Variants in ASIC2 observed in about 807,000 individuals in gnomAD.
The protein encoded by ASIC2 is acid sensing ion channel subunit 2, also known as acid-sensing ion channel 2.
Under a neutral mutation model 57.3 loss-of-function variants are expected in ASIC2, and 25 were observed. The observed-to-expected ratio is 0.44, with a 90% CI of 0.32 to 0.61. ASIC2 has a LOEUF of 0.61. ASIC2 is among the 20% of genes least tolerant of loss of function. The probability of loss-of-function intolerance (pLI) is 0.06; values close to 1 mark genes in which losing one functional copy is unlikely to be tolerated. For missense variants in ASIC2, 641 were observed against 738.1 expected (o/e 0.87, Z 1.52); for synonymous variants, 319 against 307.5 (o/e 1.04, Z -0.39).
At chr17:33,999,165 T>C (rs910819530) in intron 1 of ASIC2, among the ~76,000 whole-genome samples, 1 of 152,194 alleles carries the variant, frequency 6.6e-6, no homozygotes, top group African/African-American at 2.4e-5. Context: ...TTTTGTCCGA[T>C]ATAAGCAGAG....
At chr17:33,696,976 A>T (rs1227968838) in intron 1 of ASIC2, among the ~76,000 whole-genome samples, 1 of 152,164 alleles carries the variant, frequency 6.6e-6, no homozygotes, top group Admixed American at 6.5e-5. Context: ...ATGAGGACAG[A>T]TTCACATGAA....
intron 3 of ASIC2, among the ~76,000 whole-genome samples, chr17:33,076,781 TG>T (rs1326013810): frequency 6.6e-6 from 1 of 152,116 alleles, no homozygotes; most frequent in Non-Finnish European, 1.5e-5. Flanking sequence ...TTGCAGGGGG[TG>T]GGGGAAATGC....
At chr17:33,845,307 A>T (rs945371759) in intron 1 of ASIC2, among the ~76,000 whole-genome samples, 1 of 152,120 alleles carries the variant, frequency 6.6e-6, no homozygotes, top group Non-Finnish European at 1.5e-5. Flanking sequence ...CAAATTTATC[A>T]TGTATGCCAA....
intron 1 of ASIC2, among the ~76,000 whole-genome samples, chr17:33,739,744 C>T (rs1290804427): frequency 7.3e-6 from 1 of 136,982 alleles, no homozygotes; most frequent in Non-Finnish European, 1.5e-5. Flanking sequence ...GTTATAACCA[C>T]ATTAACAGGA....
chr17:33,304,935 G>T (rs1186808984), intron 1 of ASIC2, among the ~76,000 whole-genome samples: 1 of 152,088 alleles, frequency 6.6e-6, no homozygotes, highest in Non-Finnish European at 1.5e-5. Context: ...TTACAACTGT[G>T]CTTCCATCTT....
rs548065165 is a variant in ASIC2, at chr17:34,147,326, C to T, written c.555+8652G>A. ...CAGAGGTCATAAATCCAGGCAAATA[C>T]GTTGCTTCTGTTTTATATGCTTAAT... On this transcript the variant is annotated intron_variant, in intron 1 of 9. Transcript: ENST00000359872. Among the ~76,000 whole-genome samples, 12 of 152,264 alleles carry T rather than the reference C, an allele frequency of 7.9e-5. 1 individual carries two copies. The South Asian group carries it at 8.3e-4, about 11-fold the overall frequency.
intron 1 of ASIC2, among the ~76,000 whole-genome samples, chr17:33,598,871 C>G (rs1321109326): frequency 6.6e-6 from 1 of 152,156 alleles, no homozygotes; most frequent in African/African-American, 2.4e-5. Flanking sequence ...TGGAAATTAC[C>G]TAGTCTAACC....
At chr17:33,137,817 G>C (rs996177567) in intron 1 of ASIC2, among the ~76,000 whole-genome samples, 3 of 152,190 alleles carry the variant, frequency 2.0e-5, no homozygotes, top group African/African-American at 7.2e-5. Context: ...CACCTGACTT[G>C]TTCTCCAAAT....
At chr17:33,416,636 G>C (rs988226586) in intron 1 of ASIC2, among the ~76,000 whole-genome samples, 1 of 152,236 alleles carries the variant, frequency 6.6e-6, no homozygotes, top group Non-Finnish European at 1.5e-5. Flanking sequence ...GCCGTTGTGG[G>C]AAGATGGCAA....
At chr17:33,985,966 CCTT>C (rs769337748) in intron 1 of ASIC2, among the ~76,000 whole-genome samples, 20 of 152,130 alleles carry the variant, frequency 1.3e-4, no homozygotes, top group Non-Finnish European at 1.6e-4. Flanking sequence ...AACTCCATTG[CCTT>C]CTTCTTTTCT....
chr17:33,644,372 T>C (rs1906677424), intron 1 of ASIC2, among the ~76,000 whole-genome samples: 1 of 152,200 alleles, frequency 6.6e-6, no homozygotes, highest in Non-Finnish European at 1.5e-5. Context: ...CAATTTCAGT[T>C]TCTCTTTTAT....
intron 1 of ASIC2, among the ~76,000 whole-genome samples, chr17:33,612,727 G>A (rs1434065089): frequency 6.6e-6 from 1 of 152,188 alleles, no homozygotes; most frequent in Non-Finnish European, 1.5e-5. Flanking sequence ...CAACAAGAGG[G>A]AAGACTAATT....
At chr17:34,129,016 C>T (rs981252034) in intron 1 of ASIC2, among the ~76,000 whole-genome samples, 1 of 152,026 alleles carries the variant, frequency 6.6e-6, no homozygotes, top group Non-Finnish European at 1.5e-5. Flanking sequence ...ATGAATACAC[C>T]GAAGGAAGAG....
At chr17:33,212,647 G>C (rs1376741937) in intron 1 of ASIC2, among the ~76,000 whole-genome samples, 1 of 152,212 alleles carries the variant, frequency 6.6e-6, no homozygotes, top group Non-Finnish European at 1.5e-5. Context: ...AAGGAATGGG[G>C]TATGAGAAGC....
intron 3 of ASIC2, among the ~76,000 whole-genome samples, chr17:33,070,005 C>T (rs553393802): frequency 1.2e-3 from 187 of 151,756 alleles, no homozygotes; most frequent in Non-Finnish European, 2.0e-3. Context: ...TCATTTATAC[C>T]CTTTGTTGGA....
chr17:34,095,155 G>A (rs1286633091), intron 1 of ASIC2, among the ~76,000 whole-genome samples: 1 of 152,082 alleles, frequency 6.6e-6, no homozygotes, highest in Non-Finnish European at 1.5e-5. Flanking sequence ...CCCATTTCAG[G>A]GCTTTTATAT....
chr17:33,037,179 A>T (rs2091912384), intron 3 of ASIC2, among the ~76,000 whole-genome samples: 1 of 151,118 alleles, frequency 6.6e-6, no homozygotes, highest in Admixed American at 6.6e-5. Context: ...ATTGCTCAAT[A>T]TTGGATCCAT....
At chr17:33,137,044 C>T (rs933480782) in intron 1 of ASIC2, among the ~76,000 whole-genome samples, 2 of 152,200 alleles carry the variant, frequency 1.3e-5, no homozygotes, top group South Asian at 4.1e-4. Context: ...AGCACCCATA[C>T]AGAAGTGGAA....
intron 1 of ASIC2, among the ~76,000 whole-genome samples, chr17:34,060,241 G>A (rs1908922793): frequency 2.0e-5 from 3 of 152,198 alleles, no homozygotes; most frequent in Admixed American, 6.5e-5. Flanking sequence ...CCAGAAGAGA[G>A]ACAACCATCA....
Sources: allele counts gnomAD v4.1 joint callset (sites outside exome capture counted in the v4.1 genomes callset), GRCh38; gene constraint gnomAD v4.1.1; transcripts MANE v1.5; gene names NCBI Gene and HGNC (gene_info 2026-07-23, HGNC 2026-07-21).